The following PRKG1 variants were observed in gnomAD, a reference collection of about 807,000 sequenced individuals.
The protein encoded by PRKG1 is protein kinase cGMP-dependent 1, also known as cGMP-dependent protein kinase 1.
In PRKG1, 35 loss-of-function variants were observed where a neutral mutation model predicts 88.1. The observed-to-expected ratio is 0.40, with a 90% CI of 0.30 to 0.53. The LOEUF is 0.53. Among genes scored for constraint, PRKG1 ranks in the 20% least tolerant of loss-of-function variants. The probability of loss-of-function intolerance (pLI) is 0.59; values close to 1 mark genes in which losing one functional copy is unlikely to be tolerated. For synonymous variants in PRKG1, 303 were observed against 292.5 expected, an observed-to-expected ratio of 1.04 and a Z score of -0.37; for missense variants, 540 against 839.8, an observed-to-expected ratio of 0.64 and a Z score of 4.41.
intron 1 of PRKG1, among the ~76,000 whole-genome samples, chr10:51,065,823 A>G (rs901769453): frequency 5.3e-5 from 8 of 152,120 alleles, no homozygotes; most frequent in African/African-American, 1.9e-4. Flanking sequence ...TGGGAGATGT[A>G]TCTATCTAAC....
At chr10:51,849,596 T>C (rs967459843) in intron 4 of PRKG1, among the ~76,000 whole-genome samples, 1 of 152,152 alleles carries the variant, frequency 6.6e-6, no homozygotes, top group Non-Finnish European at 1.5e-5. Context: ...TACACCAAAG[T>C]CCCTTTCCAG....
intron 9 of PRKG1, among the ~76,000 whole-genome samples, chr10:52,251,361 C>T (rs1444864740): frequency 2.0e-5 from 3 of 152,040 alleles, no homozygotes; most frequent in Middle Eastern, 3.4e-3. Context: ...ATTTTTCTAC[C>T]GTACTTTGAA....
At chr10:52,016,925 G>T (rs1290437898) in intron 5 of PRKG1, among the ~76,000 whole-genome samples, 1 of 152,100 alleles carries the variant, frequency 6.6e-6, no homozygotes, top group Non-Finnish European at 1.5e-5. Context: ...CTTCCTAAAG[G>T]GTTATTTTTT....
chr10:51,016,680 T>C (rs796139569), intron 1 of PRKG1, among the ~76,000 whole-genome samples: 7 of 102,916 alleles, frequency 6.8e-5, no homozygotes, highest in South Asian at 3.4e-4. Flanking sequence ...TTTCTTTTTT[T>C]TTTTTTTTTT....
intron 1 of PRKG1, among the ~76,000 whole-genome samples, chr10:51,115,384 T>TATATATATATATATATATATATATATAA (rs1564606010): frequency 1.2e-5 from 1 of 80,810 alleles, no homozygotes; most frequent in African/African-American, 3.6e-5. Flanking sequence ...TATATATATA[T>TATATATATATATATATATATATATATAA]AAAACAAATG....
At chr10:51,735,883 A>ATTTATT (rs371598580) in intron 3 of PRKG1, among the ~76,000 whole-genome samples, 34,704 of 102,530 alleles carry the variant, frequency 0.34, 6,695 homozygotes, top group Middle Eastern at 0.47. Flanking sequence ...ATATATATGT[A>ATTTATT]TATTTATTTA....
At chr10:51,816,682 G>C (rs1218402317) in intron 4 of PRKG1, among the ~76,000 whole-genome samples, 4 of 152,014 alleles carry the variant, frequency 2.6e-5, no homozygotes, top group South Asian at 2.1e-4. Context: ...TATTTACTTT[G>C]TGTGTGTATA....
At chr10:51,625,700 G>A (rs12414562) in intron 3 of PRKG1, among the ~76,000 whole-genome samples, 42,970 of 150,790 alleles carry the variant, frequency 0.28, 6,324 homozygotes, top group Admixed American at 0.37. Context: ...TTTAAATTAT[G>A]CTTCAATAAA....
chr10:51,432,416 A>T (rs747517728), intron 2 of PRKG1, among the ~76,000 whole-genome samples: 19 of 121,316 alleles, frequency 1.6e-4, no homozygotes, highest in Non-Finnish European at 1.9e-4. Flanking sequence ...ACCAACAAAT[A>T]AAAAAAACAA....
chr10:50,992,487 C>G (rs145278278), intron 1 of PRKG1, among the ~76,000 whole-genome samples: 214 of 152,252 alleles, frequency 1.4e-3, no homozygotes, highest in African/African-American at 5.0e-3. Context: ...AGTGCGCCCT[C>G]CCTTTTTGTT....
chr10:51,890,140 A>G (rs577938793), intron 4 of PRKG1, among the ~76,000 whole-genome samples: 144 of 152,308 alleles, frequency 9.5e-4, no homozygotes, highest in African/African-American at 3.4e-3. Context: ...GCCCATGCCT[A>G]TGTCCTGAAT....
chr10:52,094,014 G>A (rs899079988), intron 7 of PRKG1, among the ~76,000 whole-genome samples: 2 of 152,122 alleles, frequency 1.3e-5, no homozygotes, highest in Admixed American at 1.3e-4. Flanking sequence ...AGACAAATTG[G>A]AGAGTTGTTA....
At chr10:51,613,118 G>C (rs1310865606) in intron 3 of PRKG1, among the ~76,000 whole-genome samples, 1 of 151,770 alleles carries the variant, frequency 6.6e-6, no homozygotes, top group Non-Finnish European at 1.5e-5. Flanking sequence ...TTATACATTT[G>C]ATAGAATTAC....
intron 4 of PRKG1, among the ~76,000 whole-genome samples, chr10:51,875,877 T>G (rs1841285722): frequency 6.6e-6 from 1 of 152,108 alleles, no homozygotes; most frequent in Admixed American, 6.5e-5. Context: ...ATTTTTGGAA[T>G]AGGTAAGTGT....
chr10:52,067,826 G>A (rs908764694), intron 7 of PRKG1, among the ~76,000 whole-genome samples: 3 of 151,658 alleles, frequency 2.0e-5, no homozygotes, highest in African/African-American at 7.3e-5. Flanking sequence ...GAAAACTAAA[G>A]GTGTGTTTAA....
At chr10:51,466,410 C>T (rs1839906581) in intron 2 of PRKG1, among the ~76,000 whole-genome samples, 1 of 151,908 alleles carries the variant, frequency 6.6e-6, no homozygotes, top group African/African-American at 2.4e-5. Flanking sequence ...CATGCATACA[C>T]CAGTCAAAAA....
At chr10:51,292,065 C>A (rs1306585851) in intron 2 of PRKG1, among the ~76,000 whole-genome samples, 1 of 152,070 alleles carries the variant, frequency 6.6e-6, no homozygotes, top group African/African-American at 2.4e-5. Context: ...GACAGAGCTG[C>A]AACATAGCAG....
At chr10:52,127,854 G>A (rs942025412) in intron 7 of PRKG1, among the ~76,000 whole-genome samples, 16 of 152,102 alleles carry the variant, frequency 1.1e-4, no homozygotes, top group African/African-American at 3.9e-4. Flanking sequence ...AGAGCTTCAG[G>A]ACTTAGTGGA....
chr10:51,467,835 G>A lies in PRKG1; in HGVS notation c.591G>A (p.Lys197=), dbSNP rs1275290492. 1.9e-6 allele frequency: 3 copies of A among 1,605,296 alleles called. No homozygotes were observed. Among genetic ancestry groups the A allele is most frequent in the East Asian group, 4.5e-5 (2 of 44,792 alleles). The change falls in exon 3 of 18, where the codon AAG becomes AAA. Residue 197 remains lysine, a splice_region_variant and synonymous_variant. Coordinates refer to ENST00000373980, the MANE Select transcript of PRKG1 (RefSeq NM_006258.4). ...ACTGTACCCGGACAGCGACCGTCAA[G>A]AGTAAGACTATTTTCATATTTTTAA... ...LYNCTRTATV[K]TLVNVKLWAI... is the part of the protein sequence containing the mutation.
Sources: gnomAD v4.1 joint callset for allele counts (sites outside exome capture counted in the v4.1 genomes callset) on GRCh38, gnomAD v4.1.1 for gene constraint, MANE v1.5 for transcripts, NCBI Gene and HGNC (gene_info 2026-07-23, HGNC 2026-07-21) for gene names.